The following PRELID2 variants were observed in gnomAD, a reference collection of about 807,000 sequenced individuals.
PRELID2 encodes the protein PRELI domain-containing protein 2.
PRELID2 carries 25 observed loss-of-function variants against 28.4 expected under a neutral mutation model. The observed-to-expected ratio is 0.88, with a 90% confidence interval of 0.64 to 1.23. The LOEUF is 1.23. Among genes scored for constraint, PRELID2 ranks in the 50% most tolerant of loss-of-function variants. The pLI is 0.00. For synonymous variants in PRELID2, 76 were observed against 71.6 expected (o/e 1.06, Z -0.31); for missense variants, 201 against 214.4 (o/e 0.94, Z 0.39).
chr5:145,438,542 G>T, the PRELID2 span, among the ~76,000 whole-genome samples: 5 of 152,142 alleles, frequency 3.3e-5, no homozygotes, highest in Non-Finnish European at 7.4e-5. Context: ...TGTCATCTCC[G>T]AATATAAACT....
At chr5:145,660,909 A>G (rs1054263409) in intron 1 of PRELID2, among the ~76,000 whole-genome samples, 15 of 152,228 alleles carry the variant, frequency 9.9e-5, no homozygotes, top group African/African-American at 3.6e-4. Context: ...AATGAACTGA[A>G]TAAACACTAT....
chr5:145,691,604 GC>G (rs1755151723), intron 1 of PRELID2, among the ~76,000 whole-genome samples: 1 of 152,124 alleles, frequency 6.6e-6, no homozygotes, highest in East Asian at 1.9e-4. Flanking sequence ...TGTAGTCCCA[GC>G]TACTCGGGAG....
At chr5:145,424,437 G>A in the PRELID2 span, among the ~76,000 whole-genome samples, 1 of 152,302 alleles carries the variant, frequency 6.6e-6, no homozygotes, top group South Asian at 2.1e-4. Context: ...ATAATCTCAT[G>A]GTGCACCGTT....
At chr5:145,741,321 AAATT>A (rs1242835520) in intron 1 of PRELID2, among the ~76,000 whole-genome samples, 46 of 50,518 alleles carry the variant, frequency 9.1e-4, no homozygotes, top group African/African-American at 2.3e-3. Context: ...ATTTATAAAT[AAATT>A]ATTTATATAT....
the PRELID2 span, among the ~76,000 whole-genome samples, chr5:145,457,101 G>A: frequency 4.6e-5 from 7 of 152,114 alleles, no homozygotes; most frequent in Non-Finnish European, 1.0e-4. Flanking sequence ...GGAAATGGGG[G>A]TAGTGGGGTG....
chr5:145,582,022 T>A (rs182062318), intron 1 of PRELID2, among the ~76,000 whole-genome samples: 1 of 152,106 alleles, frequency 6.6e-6, no homozygotes, highest in East Asian at 1.9e-4. Context: ...ACAGGGACAG[T>A]CCTAATTTTG....
chr5:145,651,481 G>A (rs1464069978), intron 1 of PRELID2, among the ~76,000 whole-genome samples: 5 of 152,168 alleles, frequency 3.3e-5, no homozygotes, highest in Admixed American at 2.0e-4. Flanking sequence ...CCTGATCCCT[G>A]AGTAGCATAA....
chr5:145,669,586 C>G (rs1754665363), intron 1 of PRELID2, among the ~76,000 whole-genome samples: 1 of 152,070 alleles, frequency 6.6e-6, no homozygotes, highest in African/African-American at 2.4e-5. Flanking sequence ...GGATCTGATT[C>G]AAATTTCAAC....
At chr5:145,571,766 G>A (rs1282064799) in intron 1 of PRELID2, among the ~76,000 whole-genome samples, 1 of 152,144 alleles carries the variant, frequency 6.6e-6, no homozygotes, top group Non-Finnish European at 1.5e-5. Context: ...TGGATCACAA[G>A]ATCAGGAGAT....
At chr5:145,645,202 T>C (rs113629654) in intron 1 of PRELID2, among the ~76,000 whole-genome samples, 3,059 of 152,244 alleles carry the variant, frequency 0.02, 111 homozygotes, top group African/African-American at 0.07. Context: ...GGTGCACCTC[T>C]ATTGGGTGCA....
At chr5:145,290,413 T>C in the PRELID2 span, among the ~76,000 whole-genome samples, 1 of 152,094 alleles carries the variant, frequency 6.6e-6, no homozygotes, top group South Asian at 2.1e-4. Context: ...TGGAATACTA[T>C]GCAGCCATAA....
intron 1 of PRELID2, among the ~76,000 whole-genome samples, chr5:145,548,998 G>T (rs910532738): frequency 1.3e-5 from 2 of 152,028 alleles, no homozygotes; most frequent in Admixed American, 6.6e-5. Context: ...CCCACATTCT[G>T]CTCCTTCTGC....
chr5:145,334,157 G>A, the PRELID2 span, among the ~76,000 whole-genome samples: 6 of 152,168 alleles, frequency 3.9e-5, no homozygotes, highest in African/African-American at 1.4e-4. Context: ...TGGAAATGCA[G>A]AAATCACCCA....
chr5:145,555,323 T>G (rs1028315602), intron 1 of PRELID2, among the ~76,000 whole-genome samples: 1 of 152,206 alleles, frequency 6.6e-6, no homozygotes, highest in Non-Finnish European at 1.5e-5. Context: ...TTAAAAAATG[T>G]CACAGGAGAT....
the PRELID2 span, among the ~76,000 whole-genome samples, chr5:145,445,024 T>G: frequency 1.9e-4 from 29 of 152,148 alleles, no homozygotes; most frequent in East Asian, 5.6e-3. Flanking sequence ...AAATAGATTT[T>G]TAAAATCTTA....
intron 2 of PRELID2, among the ~76,000 whole-genome samples, chr5:145,821,050 T>C (rs930137961): frequency 1.3e-5 from 2 of 151,990 alleles, no homozygotes; most frequent in African/African-American, 4.8e-5. Context: ...TTCTATCTAT[T>C]AGAAGCGTGC....
chr5:145,365,027 T>C, the PRELID2 span, among the ~76,000 whole-genome samples: 2 of 151,912 alleles, frequency 1.3e-5, no homozygotes, highest in Non-Finnish European at 2.9e-5. Context: ...GAAAACTGAA[T>C]TGAGACTTCT....
At chr5:145,405,860 C>G in the PRELID2 span, among the ~76,000 whole-genome samples, 2 of 151,972 alleles carry the variant, frequency 1.3e-5, no homozygotes, top group African/African-American at 2.4e-5. Context: ...CACCTGCCAC[C>G]ATGCCTGGCT....
chr5:145,428,249 G>A, the PRELID2 span, among the ~76,000 whole-genome samples: 26 of 152,110 alleles, frequency 1.7e-4, no homozygotes, highest in Admixed American at 3.9e-4. Flanking sequence ...CTGAGTCACC[G>A]TGCCCGGCCA....
Sources: gnomAD v4.1 joint callset for allele counts (sites outside exome capture counted in the v4.1 genomes callset) on GRCh38, gnomAD v4.1.1 for gene constraint, MANE v1.5 for transcripts, NCBI Gene and HGNC (gene_info 2026-07-23, HGNC 2026-07-21) for gene names.